Variants in PIAS1 observed in about 807,000 individuals in gnomAD.
The protein encoded by PIAS1 is protein inhibitor of activated STAT 1.
In PIAS1, 6 loss-of-function variants were observed where a neutral mutation model predicts 71.3. The observed-to-expected ratio is 0.08, with a 90% CI of 0.05 to 0.17. PIAS1 has a LOEUF of 0.17. PIAS1 is among the 10% of genes least tolerant of loss of function. The pLI, the probability that PIAS1 is intolerant of heterozygous loss-of-function variation, is 1.00. For synonymous variants in PIAS1, 303 were observed against 292.9 expected (o/e 1.03, Z -0.35); for missense variants, 555 against 793.6 (o/e 0.70, Z 3.61).
intron 1 of PIAS1, among the ~76,000 whole-genome samples, chr15:68,073,353 C>T (rs1170360143): frequency 1.3e-5 from 2 of 152,052 alleles, no homozygotes; most frequent in East Asian, 3.9e-4. Context: ...TTTGCATTAC[C>T]AATATGGTTT....
At chr15:68,121,780 A>G (rs1201438775) in intron 2 of PIAS1, among the ~76,000 whole-genome samples, 2 of 152,164 alleles carry the variant, frequency 1.3e-5, no homozygotes, top group African/African-American at 4.8e-5. Context: ...TTAAATCCAA[A>G]GAAGCCCTAT....
Position 68,187,314 on chromosome 15 carries a change from A to G in PIAS1, c.1663-228A>G, listed in dbSNP as rs2093094315. Among the ~76,000 whole-genome samples the G allele has an allele frequency of 6.6e-6, 1 of 152,118 alleles. No individual in the cohort carries two copies. Among genetic ancestry groups the G allele is most frequent in the Non-Finnish European group, 1.5e-5 (1 of 68,014 alleles). ...ACAAACTAAAACAAAAAACAATAAA[A>G]TTTATATTTTGTTTTTCCTCCAGTT... On this transcript the variant is annotated intron_variant, in intron 13 of 13. Transcript: ENST00000249636. The surrounding 1 kb of genome is among the most constrained non-coding windows in gnomAD (Gnocchi z 5.3).
At chr15:68,134,398 TGGCCG>T (rs1469355178) in intron 2 of PIAS1, among the ~76,000 whole-genome samples, 1 of 48,944 alleles carries the variant, frequency 2.0e-5, no homozygotes, top group African/African-American at 4.4e-5. Flanking sequence ...ACAGGGCGGC[TGGCCG>T]GGCAGAGGGG....
At chr15:68,091,555 T>G (rs2092332762) in intron 2 of PIAS1, among the ~76,000 whole-genome samples, 1 of 152,190 alleles carries the variant, frequency 6.6e-6, no homozygotes, top group Admixed American at 6.5e-5. Flanking sequence ...TTAAATATTT[T>G]TAATATTTTT....
chr15:68,056,714 G>A (rs1243613013), intron 1 of PIAS1, among the ~76,000 whole-genome samples: 1 of 152,014 alleles, frequency 6.6e-6, no homozygotes, highest in Non-Finnish European at 1.5e-5. Flanking sequence ...TTTTTGAGGG[G>A]TGGAGGAGGT....
intron 12 of PIAS1, among the ~76,000 whole-genome samples, chr15:68,182,237 T>G (rs1415261486): frequency 6.6e-6 from 1 of 152,186 alleles, no homozygotes; most frequent in East Asian, 1.9e-4. Flanking sequence ...TAATAATCAT[T>G]TATATTATCA....
chr15:68,190,313 C>T lies in PIAS1; in HGVS notation c.*2478C>T, dbSNP rs1425145308. 6.6e-6 allele frequency: 1 copy of T among 152,108 alleles called. No individual in the cohort carries two copies. The highest frequency in any genetic ancestry group is 2.4e-5 in the African/African-American group (1 of 41,414). The allele number at this position is 152,108 out of a possible 1,614,324, so 9.4% of individuals were successfully genotyped here. A position where few individuals can be genotyped will look rare whatever the true frequency, so the allele number is the denominator to read the frequency against. On this transcript the variant is annotated 3_prime_UTR_variant, in exon 14 of 14. Coordinates refer to ENST00000249636, the MANE Select transcript of PIAS1 (RefSeq NM_016166.3). This position sits in a 1 kb window ranked among gnomAD's most constrained non-coding sequence, Gnocchi z 4.7. ...TTCTACCCTGTGAGGAGTTTGTTTC[C>T]ATCAGTTGTTGACTTTCCAAAATGT...
intron 2 of PIAS1, among the ~76,000 whole-genome samples, chr15:68,140,527 G>T (rs191668873): frequency 6.6e-6 from 1 of 152,098 alleles, no homozygotes; most frequent in African/African-American, 2.4e-5. Flanking sequence ...ACTGCTCCTT[G>T]GTGATAGATT....
At chr15:68,062,063 A>G (rs1216769598) in intron 1 of PIAS1, among the ~76,000 whole-genome samples, 1 of 152,198 alleles carries the variant, frequency 6.6e-6, no homozygotes, top group African/African-American at 2.4e-5. Flanking sequence ...CTTGTCTATA[A>G]GACAATCTAA....
At chr15:68,182,971 C>G (rs1254657768) in intron 12 of PIAS1, among the ~76,000 whole-genome samples, 2 of 152,184 alleles carry the variant, frequency 1.3e-5, no homozygotes, top group Admixed American at 1.3e-4. Flanking sequence ...TGCTTGTTCA[C>G]TTGCTCTTCA....
Position 68,187,477 on chromosome 15 carries a change from A to G in PIAS1, c.1663-65A>G, listed in dbSNP as rs1019404670. 1 of 1,432,004 alleles carries G rather than the reference A, an allele frequency of 7.0e-7. No homozygotes were observed. The highest frequency in any genetic ancestry group is 1.4e-5 in the African/African-American group (1 of 71,370). The allele number at this position is 1,432,004 out of a possible 1,614,324, so 88.7% of individuals were successfully genotyped here. A position where few individuals can be genotyped will look rare whatever the true frequency, so the allele number is the denominator to read the frequency against. On this transcript the variant is annotated intron_variant, in intron 13 of 13. Transcript: ENST00000249636. This position sits in a 1 kb window ranked among gnomAD's most constrained non-coding sequence, Gnocchi z 5.3. ...TTAAATTTAGGGCTGTGTCCCGCTGAGGAGAAAATATATTAATTTGGAAGT... is the reference window on the plus strand; with the variant it reads ...TTAAATTTAGGGCTGTGTCCCGCTGGGGAGAAAATATATTAATTTGGAAGT...
chr15:68,078,914 A>G (rs545958083), intron 1 of PIAS1, among the ~76,000 whole-genome samples: 2 of 152,218 alleles, frequency 1.3e-5, no homozygotes, highest in Non-Finnish European at 2.9e-5. Context: ...GAAAGATTTC[A>G]CTAACTGTAT....
intron 2 of PIAS1, among the ~76,000 whole-genome samples, chr15:68,111,197 G>C (rs2141009845): frequency 6.6e-6 from 1 of 152,234 alleles, no homozygotes; most frequent in South Asian, 2.1e-4. Context: ...GCCAGTAGAT[G>C]GGCTATCCCT....
chr15:68,092,831 C>T (rs1411771618), intron 2 of PIAS1, among the ~76,000 whole-genome samples: 1 of 152,164 alleles, frequency 6.6e-6, no homozygotes, highest in East Asian at 1.9e-4. Flanking sequence ...TTCCCAGCTT[C>T]CAGAACTGTG....
At chr15:68,106,782 T>C (rs181312155) in intron 2 of PIAS1, among the ~76,000 whole-genome samples, 4 of 152,354 alleles carry the variant, frequency 2.6e-5, no homozygotes, top group African/African-American at 9.6e-5. Context: ...CGTCAGTGTA[T>C]TAGCCCTACT....
At chr15:68,060,618 C>T (rs2091947791) in intron 1 of PIAS1, among the ~76,000 whole-genome samples, 1 of 145,846 alleles carries the variant, frequency 6.9e-6, no homozygotes, top group African/African-American at 2.8e-5. Context: ...GTCTCAAAAA[C>T]AAACAAACAA....
At chr15:68,068,689 G>A (rs1193774272) in intron 1 of PIAS1, among the ~76,000 whole-genome samples, 5 of 151,896 alleles carry the variant, frequency 3.3e-5, no homozygotes, top group Admixed American at 3.3e-4. Flanking sequence ...ATGACCTCAG[G>A]TGTTCCACCC....
chr15:68,102,274 T>C (rs1371097814), intron 2 of PIAS1, among the ~76,000 whole-genome samples: 1 of 152,218 alleles, frequency 6.6e-6, no homozygotes, highest in Non-Finnish European at 1.5e-5. Flanking sequence ...TCTGTACCTA[T>C]GTGGGTCTCT....
In PIAS1 at chr15:68,164,657, T is replaced by C. The variant is rs549772742; in HGVS notation, c.935-74T>C. ...AGATTTGTTTAAGCTTTTTATTCTT[T>C]ATAGTAATGCTCCAGTAATGTATCT... On this transcript the variant is annotated intron_variant, in intron 7 of 13. Coordinates refer to ENST00000249636, the MANE Select transcript of PIAS1 (RefSeq NM_016166.3). 4.3e-5 allele frequency: 33 copies of C among 773,190 alleles called. No homozygotes were observed. The Admixed American group carries it at 5.8e-4, about 14-fold the overall frequency. The allele number at this position is 773,190 out of a possible 1,614,324, so 47.9% of individuals were successfully genotyped here.
Sources: gnomAD v4.1 joint callset for allele counts (sites outside exome capture counted in the v4.1 genomes callset) on GRCh38, gnomAD v4.1.1 for gene constraint, Gnocchi (gnomAD v3.1) non-coding constraint, MANE v1.5 for transcripts, NCBI Gene and HGNC (gene_info 2026-07-23, HGNC 2026-07-21) for gene names.